Variants in GAB2 observed in about 807,000 individuals in gnomAD.
GAB2 encodes GRB2 associated binding protein 2, also known as GRB2-associated-binding protein 2.
In GAB2, 26 loss-of-function variants were observed where a neutral mutation model predicts 65.5. The observed-to-expected ratio is 0.40, with a 90% CI of 0.29 to 0.55. The LOEUF (loss-of-function observed/expected upper bound fraction) is 0.55, where lower values mean the gene tolerates loss of function less well. GAB2 is among the 20% of genes least tolerant of loss of function. GAB2 has a pLI of 0.53. For missense variants in GAB2, 884 were observed against 875.8 expected, an observed-to-expected ratio of 1.01 and a Z score of -0.12; for synonymous variants, 321 against 329.6, an observed-to-expected ratio of 0.97 and a Z score of 0.28.
chr11:78,353,244 C>T (rs1375732491), intron 1 of GAB2, among the ~76,000 whole-genome samples: 1 of 152,106 alleles, frequency 6.6e-6, no homozygotes, highest in Non-Finnish European at 1.5e-5. Context: ...AGTTGCAGAC[C>T]AGCCTGGCCA....
At chr11:78,330,280 T>G (rs539422021) in intron 1 of GAB2, among the ~76,000 whole-genome samples, 65 of 152,322 alleles carry the variant, frequency 4.3e-4, no homozygotes, top group Non-Finnish European at 8.4e-4. Flanking sequence ...CCTTCCTGTT[T>G]AAAGTATCTG....
At chr11:78,320,721 T>C (rs868053558) in intron 1 of GAB2, among the ~76,000 whole-genome samples, 37 of 132,740 alleles carry the variant, frequency 2.8e-4, no homozygotes, top group African/African-American at 9.9e-4. Flanking sequence ...TGGATAATTT[T>C]TGCCTTTTTT....
chr11:78,320,325 C>T (rs944633671), intron 1 of GAB2, among the ~76,000 whole-genome samples: 1 of 152,192 alleles, frequency 6.6e-6, no homozygotes, highest in Non-Finnish European at 1.5e-5. Context: ...GATGTACCAT[C>T]ATGCCCAGCT....
At chr11:78,331,663 T>C (rs1458703472) in intron 1 of GAB2, among the ~76,000 whole-genome samples, 1 of 152,164 alleles carries the variant, frequency 6.6e-6, no homozygotes, top group Non-Finnish European at 1.5e-5. Flanking sequence ...AGAAAACCTC[T>C]TTCTCTAAGC....
intron 1 of GAB2, among the ~76,000 whole-genome samples, chr11:78,390,287 G>C (rs1250454352): frequency 6.6e-6 from 1 of 152,164 alleles, no homozygotes; most frequent in Non-Finnish European, 1.5e-5. Context: ...TTTCTCACTA[G>C]GTCAACCCAA....
Position 78,383,581 on chromosome 11 carries a change from C to CAAAAAAAAAAAAAAAAAAAAAAA in GAB2, c.75+34064_75+34065insTTTTTTTTTTTTTTTTTTTTTTT, listed in dbSNP as rs534814220. On this transcript the variant is annotated intron_variant, in intron 1 of 9. Coordinates refer to ENST00000361507, the MANE Select transcript of GAB2 (RefSeq NM_080491.3). ...GCAACATGGCAAAACCCTGTCTCTCCAAAAAAAAAAAAAAAAAAATACAAA... is the reference window on the plus strand; with the variant it reads ...GCAACATGGCAAAACCCTGTCTCTCCAAAAAAAAAAAAAAAAAAAAAAAAAAAAAAAAAAAAAAAAAATACAAA... Among the ~76,000 whole-genome samples the CAAAAAAAAAAAAAAAAAAAAAAA allele has an allele frequency of 1.6e-3, 90 of 55,502 alleles. 2 individuals are homozygous for CAAAAAAAAAAAAAAAAAAAAAAA. The highest frequency in any genetic ancestry group is 4.1e-3 in the East Asian group (7 of 1,702). The allele number at this position is 55,502 out of a possible 152,430, so 36.4% of individuals were successfully genotyped here. A position where few individuals can be genotyped will look rare whatever the true frequency, so the allele number is the denominator to read the frequency against.
At chr11:78,256,548 C>G (rs546653393) in intron 2 of GAB2, among the ~76,000 whole-genome samples, 2 of 152,192 alleles carry the variant, frequency 1.3e-5, no homozygotes, top group Non-Finnish European at 2.9e-5. Flanking sequence ...GAGTGAACCT[C>G]ATGCACGGGA....
In GAB2 at chr11:78,219,010, A is replaced by G. The variant is rs1295066096; in HGVS notation, c.*262T>C. ...AGGCTGAAGGATGCTTTTTGGAAGTAGCTCCTAACTAAGGTGGGTGGAGGC... is the reference window on the plus strand; with the variant it reads ...AGGCTGAAGGATGCTTTTTGGAAGTGGCTCCTAACTAAGGTGGGTGGAGGC... On this transcript the variant is annotated 3_prime_UTR_variant, in exon 10 of 10. Transcript: ENST00000361507. The G allele has an allele frequency of 2.2e-6, 1 of 444,834 alleles. No homozygotes were observed. The highest frequency in any genetic ancestry group is 4.0e-6 in the Non-Finnish European group (1 of 248,192). 27.6% of individuals were successfully genotyped at this position (444,834 alleles called of 1,614,324 possible). A position where few individuals can be genotyped will look rare whatever the true frequency, so the allele number is the denominator to read the frequency against.
At chr11:78,314,641 T>A (rs1855564661) in intron 1 of GAB2, among the ~76,000 whole-genome samples, 1 of 152,200 alleles carries the variant, frequency 6.6e-6, no homozygotes, top group African/African-American at 2.4e-5. Context: ...GTCAAGTGTA[T>A]ATAGAAGTAC....
intron 3 of GAB2, among the ~76,000 whole-genome samples, chr11:78,229,887 A>C (rs187890307): frequency 6.6e-6 from 1 of 152,260 alleles, no homozygotes; most frequent in Admixed American, 6.5e-5. Context: ...TTATCCTTCA[A>C]ACTCATCTCA....
chr11:78,338,503 A>G (rs754143965), intron 1 of GAB2, among the ~76,000 whole-genome samples: 3 of 152,212 alleles, frequency 2.0e-5, no homozygotes, highest in Non-Finnish European at 4.4e-5. Context: ...ATGTGAGAAA[A>G]ATCAACTATT....
chr11:78,413,822 T>C (rs1324178197), intron 1 of GAB2, among the ~76,000 whole-genome samples: 4 of 152,014 alleles, frequency 2.6e-5, no homozygotes, highest in Non-Finnish European at 5.9e-5. Flanking sequence ...CGGTGGCTCA[T>C]GTCTGTCTGT....
At chr11:78,407,542 A>G (rs1857060854) in intron 1 of GAB2, among the ~76,000 whole-genome samples, 1 of 152,134 alleles carries the variant, frequency 6.6e-6, no homozygotes, top group East Asian at 1.9e-4. Context: ...CTGAGGCAGG[A>G]GAATCTATTG....
intron 2 of GAB2, among the ~76,000 whole-genome samples, chr11:78,261,173 G>C (rs538515025): frequency 2.6e-5 from 4 of 152,154 alleles, no homozygotes; most frequent in African/African-American, 7.2e-5. Flanking sequence ...GTCCCAGACT[G>C]GGGGGCTGGG....
At chr11:78,317,826 T>G (rs914020600) in intron 1 of GAB2, among the ~76,000 whole-genome samples, 1 of 152,120 alleles carries the variant, frequency 6.6e-6, no homozygotes, top group African/African-American at 2.4e-5. Context: ...TTCTTTTCTT[T>G]TCTGGGCTTT....
intron 1 of GAB2, among the ~76,000 whole-genome samples, chr11:78,415,833 C>T (rs146245098): frequency 2.2e-4 from 34 of 151,958 alleles, no homozygotes; most frequent in African/African-American, 3.6e-4. Context: ...GTTCAAGGAG[C>T]GATAAGTCAA....
intron 2 of GAB2, among the ~76,000 whole-genome samples, chr11:78,269,942 G>A (rs913795900): frequency 1.6e-4 from 24 of 152,202 alleles, no homozygotes; most frequent in African/African-American, 5.8e-4. Context: ...AAATCTCCAA[G>A]AGTTACAAAA....
intron 1 of GAB2, among the ~76,000 whole-genome samples, chr11:78,312,043 T>C (rs1450647531): frequency 6.6e-6 from 1 of 152,116 alleles, no homozygotes; most frequent in African/African-American, 2.4e-5. Flanking sequence ...CTTCCTCCCA[T>C]GTCTAGGCTT....
rs1377368541 is a variant in GAB2, at chr11:78,346,722, A to ATTT, written c.76-65824_76-65822dup. Among the ~76,000 whole-genome samples the ATTT allele has an allele frequency of 7.1e-4, 22 of 30,784 alleles. 1 individual carries two copies. The highest frequency in any genetic ancestry group is 2.6e-3 in the East Asian group (2 of 760). 20.2% of individuals were successfully genotyped at this position (30,784 alleles called of 152,430 possible). A position where few individuals can be genotyped will look rare whatever the true frequency, so the allele number is the denominator to read the frequency against. ...ATATATATATATATATATATATATA[A>ATTT]TTTTTTTTTTTTTTAGGAAAAGAAA... On this transcript the variant is annotated intron_variant, in intron 1 of 9. Coordinates refer to ENST00000361507, the MANE Select transcript of GAB2 (RefSeq NM_080491.3).
Sources: gnomAD v4.1 joint callset for allele counts (sites outside exome capture counted in the v4.1 genomes callset) on GRCh38, gnomAD v4.1.1 for gene constraint, MANE v1.5 for transcripts, NCBI Gene and HGNC (gene_info 2026-07-23, HGNC 2026-07-21) for gene names.